Variants in NOX3 observed in about 807,000 individuals in gnomAD.
NOX3 encodes the protein NADPH oxidase 3.
In NOX3, 74 loss-of-function variants were observed where a neutral mutation model predicts 76.7. The observed-to-expected ratio is 0.96, with a 90% CI of 0.80 to 1.17. The LOEUF (loss-of-function observed/expected upper bound fraction) is 1.17, where lower values mean the gene tolerates loss of function less well. Among genes scored for constraint, NOX3 ranks in the 50% most tolerant of loss-of-function variants. The pLI, the probability that NOX3 is intolerant of heterozygous loss-of-function variation, is 0.00. For synonymous variants in NOX3, 263 were observed against 261.1 expected (o/e 1.01, Z -0.07); for missense variants, 695 against 703.3 (o/e 0.99, Z 0.13).
chr6:155,438,809 A>T (rs1776943609), intron 6 of NOX3, among the ~76,000 whole-genome samples: 1 of 152,214 alleles, frequency 6.6e-6, no homozygotes, highest in African/African-American at 2.4e-5. Context: ...CTCCATGCTC[A>T]GCGGTGGCAA....
chr6:155,438,035 G>A (rs1490470243), intron 6 of NOX3, among the ~76,000 whole-genome samples: 3 of 152,096 alleles, frequency 2.0e-5, no homozygotes, highest in African/African-American at 7.2e-5. Context: ...TATCTCCAAC[G>A]AAACACTGCC....
At chr6:155,441,864 A>T (rs1168727448) in intron 5 of NOX3, among the ~76,000 whole-genome samples, 4 of 152,232 alleles carry the variant, frequency 2.6e-5, no homozygotes, top group African/African-American at 9.6e-5. Flanking sequence ...GCCTAGACAA[A>T]TGCTGTGATT....
At chr6:155,433,173 T>C (rs1055809394) in intron 7 of NOX3, among the ~76,000 whole-genome samples, 2 of 152,140 alleles carry the variant, frequency 1.3e-5, no homozygotes, top group Admixed American at 1.3e-4. Flanking sequence ...CTTTCCATGG[T>C]TCAGGTAGGA....
rs752721325 is a variant in NOX3 at position 155,428,854 on chromosome 6, G to A, written c.1085C>T (p.Ala362Val). 16 of 1,603,166 alleles carry A rather than the reference G, an allele frequency of 1.0e-5. No individual in the cohort carries two copies. Among genetic ancestry groups the A allele is most frequent in the East Asian group, 2.2e-5 (1 of 44,550 alleles). ...CTCTGCCCCAAAGGCCTCCAGTAGC[G>A]CTGCTGTCCAGTCTCCTGCTGCCCG... Reference protein sequence around the residue: ...HIRAAGDWTAALLEAFGAEGQ... With the variant: ...HIRAAGDWTAVLLEAFGAEGQ... The change falls in exon 9 of 14, where the codon GCG becomes GTG. Residue 362 changes from alanine (A) to valine (V), a missense_variant. By Grantham distance (64) the Ala-to-Val change is moderately conservative (BLOSUM62 0). Coordinates refer to ENST00000159060, the MANE Select transcript of NOX3 (RefSeq NM_015718.3).
intron 11 of NOX3, among the ~76,000 whole-genome samples, chr6:155,407,614 AT>A (rs1331742733): frequency 3.3e-5 from 5 of 152,244 alleles, no homozygotes; most frequent in African/African-American, 1.2e-4. Context: ...CTTTTCAACA[AT>A]TAATGTCTAC....
Position 155,453,411 on chromosome 6 carries a change from A to C in NOX3, c.333T>G (p.Val111=). 6.2e-7 allele frequency: 1 copy of C among 1,610,874 alleles called. No individual in the cohort carries two copies. The highest frequency in any genetic ancestry group is 8.5e-7 in the Non-Finnish European group (1 of 1,177,032). ...FHKLVAYGIA[V]NATIHIVAHF... ...CAATTAATAAGTACTTACTTGCATT[A>C]ACAGCTATCCCATAGGCGACCAGTT... Residue 111 remains valine (V), a synonymous_variant, in exon 4 of 14, where the codon GTT becomes GTG. Transcript: ENST00000159060.
At chr6:155,432,187 C>T (rs989936007) in intron 7 of NOX3, among the ~76,000 whole-genome samples, 3 of 152,042 alleles carry the variant, frequency 2.0e-5, no homozygotes, top group African/African-American at 7.2e-5. Flanking sequence ...TCATCTCAAA[C>T]ACTGATTATT....
At chr6:155,395,830 G>A (rs2114670203) in intron 13 of NOX3, among the ~76,000 whole-genome samples, 1 of 152,256 alleles carries the variant, frequency 6.6e-6, no homozygotes, top group South Asian at 2.1e-4. Context: ...TTGTGGGGCA[G>A]AAGTTGAGTA....
chr6:155,406,073 G>A (rs1776453440), intron 12 of NOX3, among the ~76,000 whole-genome samples: 1 of 152,164 alleles, frequency 6.6e-6, no homozygotes, highest in Non-Finnish European at 1.5e-5. Flanking sequence ...TGCCCACATG[G>A]CACACTCCTT....
At chr6:155,430,482 T>C (rs1052474140) in intron 8 of NOX3, among the ~76,000 whole-genome samples, 2 of 152,106 alleles carry the variant, frequency 1.3e-5, no homozygotes, top group Non-Finnish European at 2.9e-5. Flanking sequence ...TTGCAAAATT[T>C]GTGCCTTTAC....
Position 155,422,583 on chromosome 6 carries a change from A to G in NOX3, c.1308+111T>C, listed in dbSNP as rs1582935411. The G allele has an allele frequency of 4.0e-6, 4 of 991,528 alleles. No homozygotes were observed. In the East Asian group the frequency reaches 9.7e-5, roughly 24 times the overall value. 61.4% of individuals were successfully genotyped at this position (991,528 alleles called of 1,614,324 possible). The stretch of plus-strand genomic sequence containing the variant: ...ACATAAGTATAGTTAAGGATCCTTG[A>G]GTTTATCCCTCATAGTTAATTAAAA... On this transcript the variant is annotated intron_variant, in intron 10 of 13. Transcript: ENST00000159060.
Position 155,455,127 on chromosome 6 carries a change from G to C in NOX3, c.51C>G (p.Leu17=), listed in dbSNP as rs1360381364. The C allele has an allele frequency of 6.2e-7, 1 of 1,602,624 alleles. No homozygotes were observed. Among genetic ancestry groups the C allele is most frequent in the African/African-American group, 1.3e-5 (1 of 74,656 alleles). The part of the protein sequence containing the change: ...LNEGLSTILV[L]SWLGINFYLF... ...GATAAAAATTTATTCCCAGCCATGA[G>C]AGCTAGAGTAGAAAGGAAAGAGAAC... Residue 17 remains leucine (L), a splice_region_variant and synonymous_variant, in exon 2 of 14, where the codon CTC becomes CTG. Transcript: ENST00000159060.
At chr6:155,429,275 T>A (rs1211773527) in intron 8 of NOX3, among the ~76,000 whole-genome samples, 1 of 152,208 alleles carries the variant, frequency 6.6e-6, no homozygotes, top group Non-Finnish European at 1.5e-5. Context: ...TTGAAATAGC[T>A]GCACCCAGGT....
chr6:155,401,559 T>C (rs1779226752), intron 12 of NOX3, among the ~76,000 whole-genome samples: 1 of 152,166 alleles, frequency 6.6e-6, no homozygotes, highest in African/African-American at 2.4e-5. Context: ...CACAAGCAAA[T>C]GTGGGTCCAG....
chr6:155,410,462 T>C (rs980424960), intron 11 of NOX3, among the ~76,000 whole-genome samples: 1 of 152,220 alleles, frequency 6.6e-6, no homozygotes, highest in African/African-American at 2.4e-5. Context: ...ATATATATTG[T>C]GTAACCTAGT....
At chr6:155,425,936 T>C (rs971492782) in intron 9 of NOX3, among the ~76,000 whole-genome samples, 3 of 152,224 alleles carry the variant, frequency 2.0e-5, no homozygotes, top group African/African-American at 7.2e-5. Flanking sequence ...TGTTCTTTTT[T>C]TGGGCTTGCT....
intron 12 of NOX3, among the ~76,000 whole-genome samples, chr6:155,400,986 T>A (rs1487996628): frequency 6.6e-6 from 1 of 152,224 alleles, no homozygotes; most frequent in African/African-American, 2.4e-5. Context: ...TGAAAGCAGA[T>A]GACTTGTAGC....
chr6:155,431,413 AACAC>A (rs61041630), intron 7 of NOX3, among the ~76,000 whole-genome samples: 39 of 144,730 alleles, frequency 2.7e-4, no homozygotes, highest in East Asian at 6.3e-4. Flanking sequence ...TAAACACAGA[AACAC>A]ACACACACAC....
At chr6:155,396,405 C>T (rs1779138010) in intron 13 of NOX3, among the ~76,000 whole-genome samples, 1 of 152,064 alleles carries the variant, frequency 6.6e-6, no homozygotes, top group Admixed American at 6.5e-5. Context: ...CAAGAAGCAG[C>T]GTGAGTCTCC....
Sources: gnomAD v4.1 joint callset for allele counts (sites outside exome capture counted in the v4.1 genomes callset) on GRCh38, gnomAD v4.1.1 for gene constraint, MANE v1.5 for transcripts, NCBI Gene and HGNC (gene_info 2026-07-23, HGNC 2026-07-21) for gene names.